MMP12: variants seen among roughly 807,000 people sequenced by gnomAD.
MMP12 encodes the protein macrophage metalloelastase.
Under a neutral mutation model 45.2 loss-of-function variants are expected in MMP12, and 51 were observed. That is an observed-to-expected ratio of 1.13 (90% CI 0.90 to 1.42). MMP12 has a LOEUF of 1.42. Among genes scored for constraint, MMP12 ranks in the 40% most tolerant of loss-of-function variants. The probability of loss-of-function intolerance (pLI) is 0.00; values close to 1 mark genes in which losing one functional copy is unlikely to be tolerated. For missense variants in MMP12, 530 were observed against 570.8 expected (o/e 0.93, Z 0.73); for synonymous variants, 210 against 193.3 (o/e 1.09, Z -0.72).
chr11:102,868,251 G>A (rs782551906), intron 4 of MMP12, among the ~76,000 whole-genome samples, 182 bp from the exon 5 acceptor site: 9 of 152,128 alleles, frequency 5.9e-5, no homozygotes, highest in Non-Finnish European at 1.3e-4. Context: ...GGGCTGTTCT[G>A]TGCATTATAG....
At chr11:102,866,799 T>C (rs1456130868) in intron 6 of MMP12, among the ~76,000 whole-genome samples, 5 of 152,144 alleles carry the variant, frequency 3.3e-5, no homozygotes, top group Non-Finnish European at 7.4e-5. Flanking sequence ...GGGAAATATT[T>C]GTCCTACTTG....
At chr11:102,873,172 C>T (rs566111725) in intron 1 of MMP12, 60 bp from the exon 2 acceptor site, 1 of 1,489,950 alleles carries the variant, frequency 6.7e-7, no homozygotes, top group Non-Finnish European at 9.2e-7. Context: ...CTGTTGGGAG[C>T]TCCACATATA....
chr11:102,872,048 A>T (rs767549550), intron 2 of MMP12, 96 bp from the exon 3 acceptor site: 2 of 1,288,108 alleles, frequency 1.6e-6, no homozygotes, highest in Non-Finnish European at 2.1e-6. Flanking sequence ...TGGAAAATGG[A>T]TCATTTCATA....
intron 4 of MMP12, among the ~76,000 whole-genome samples, chr11:102,870,955 C>CT (rs1859482536): frequency 1.3e-5 from 2 of 152,132 alleles, no homozygotes; most frequent in Admixed American, 1.3e-4. Context: ...TGCTTTTGAG[C>CT]TTATGGATTT....
Position 102,867,908 on chromosome 11 carries a change from C to G in MMP12, c.787G>C (p.Gly263Arg). The G allele has an allele frequency of 6.2e-7, 1 of 1,607,578 alleles. No individual in the cohort carries two copies. Among genetic ancestry groups the G allele is most frequent in the Non-Finnish European group, 8.5e-7 (1 of 1,177,074 alleles). ...CAAAATGATAAAGAATTCAACTCAC[C>G]ATACAGGGACTGAATGCCACGTATG... The part of the protein sequence containing the change: ...DDIRGIQSLY[G>R]DPKENQRLPN... Residue 263 changes from glycine (G) to arginine (R), a missense_variant and splice_region_variant, in exon 5 of 10, where the codon GGA becomes CGA. Physicochemically the swap from Gly to Arg is moderately radical, Grantham distance 125. Coordinates refer to ENST00000571244, the MANE Select transcript of MMP12 (RefSeq NM_002426.6).
rs1490346694 is a variant in MMP12, at chr11:102,873,092, A to G, written c.123T>C (p.Tyr41=). The G allele has an allele frequency of 1.2e-6, 2 of 1,611,972 alleles. No homozygotes were observed. The highest frequency in any genetic ancestry group is 1.7e-6 in the Non-Finnish European group (2 of 1,179,144). ...LFGERYLEKF[Y]GLEINKLPVT... is the part of the protein sequence containing the mutation. The stretch of plus-strand genomic sequence containing the variant: ...CTGGAAGTTTGTTTATCTCAAGGCC[A>G]TAAAATTTTTCTAAGTATCTCTGGA... The change falls in exon 2 of 10, where the codon TAT becomes TAC. Residue 41 remains tyrosine, a synonymous_variant. Coordinates refer to ENST00000571244, the MANE Select transcript of MMP12 (RefSeq NM_002426.6).
Position 102,865,439 on chromosome 11 carries a change from C to T in MMP12, c.1205+337G>A, listed in dbSNP as rs1490721145. On this transcript the variant is annotated intron_variant, in intron 8 of 9. Coordinates refer to ENST00000571244, the MANE Select transcript of MMP12 (RefSeq NM_002426.6). This position sits in a 1 kb window ranked among gnomAD's most constrained non-coding sequence, Gnocchi z 4.1. ...TGATTACAGAAAGGAATCTGGAAAT[C>T]CATAACCCTCGAAACTGACTGTAGA... Among the ~76,000 whole-genome samples, 1 of 152,184 alleles carries T rather than the reference C, an allele frequency of 6.6e-6. No homozygotes were observed. The highest frequency in any genetic ancestry group is 1.5e-5 in the Non-Finnish European group (1 of 68,036).
rs200483423 is a variant in MMP12, at chr11:102,865,801, A to G, written c.1180T>C (p.Phe394Leu). 37 of 1,611,950 alleles carry G rather than the reference A, an allele frequency of 2.3e-5. No individual in the cohort carries two copies. The highest frequency in any genetic ancestry group is 3.1e-5 in the Non-Finnish European group (37 of 1,178,856). ...VFNPRFYRTY[F>L]FVDNQYWRYD... ...CTCCAATACTGGTTATCTACAAAGA[A>G]GTAGGTCCTATAAAAACGTGGGTTA... The change falls in exon 8 of 10, where the codon TTC becomes CTC. Residue 394 changes from phenylalanine to leucine, a missense_variant. Transcript: ENST00000571244. This position sits in a 1 kb window ranked among gnomAD's most constrained non-coding sequence, Gnocchi z 4.1.
At position 102,866,361 on chromosome 11, in the gene MMP12, T is replaced by C; in HGVS notation, c.999A>G (p.Glu333=). 6.2e-7 allele frequency: 1 copy of C among 1,601,062 alleles called. No homozygotes were observed. Among genetic ancestry groups the C allele is most frequent in the Admixed American group, 1.7e-5 (1 of 57,984 alleles). ...SLWPTLPSGI[E]AAYEIEARNQ... ...TTCTGGCTTCAATTTCATAAGCAGC[T>C]TCAATGCCAGATGGCAAGGTTGGCC... Residue 333 remains glutamate, a synonymous_variant, in exon 7 of 10, where the codon GAA becomes GAG. Transcript: ENST00000571244.
At position 102,871,921 on chromosome 11, in the gene MMP12, C is replaced by T. The variant is rs782140300; in HGVS notation, c.382G>A (p.Glu128Lys). The T allele has an allele frequency of 6.2e-7, 1 of 1,613,228 alleles. No individual in the cohort carries two copies. The highest frequency in any genetic ancestry group is 8.5e-7 in the Non-Finnish European group (1 of 1,179,594). ...TTCCGGATTGCGTAGTCAACATCCT[C>T]ACGGTTCATGTCAGGTGTGTAATTA... is the stretch of plus-strand genomic sequence containing the variant. ...INNYTPDMNR[E>K]DVDYAIRKAF... is the part of the protein sequence containing the mutation. The change falls in exon 3 of 10, where the codon GAG (glutamate) becomes AAG (lysine). Residue 128 changes from glutamate to lysine, a missense_variant. By Grantham distance (56) the Glu-to-Lys change is moderately conservative. Transcript: ENST00000571244.
At position 102,867,369 on chromosome 11, in the gene MMP12, A is replaced by C; in HGVS notation, c.812T>G (p.Leu271Trp). ...LYGDPKENQR[L>W]PNPDNSEPAL... ...TGGTTCTGAATTGTCAGGATTTGGC[A>C]AGCGTTGGTTCTCTTTTGGGTCTCC... Residue 271 changes from leucine to tryptophan, a missense_variant, in exon 6 of 10, where the codon TTG (leucine) becomes TGG (tryptophan). By Grantham distance (61) the Leu-to-Trp change is moderately conservative (BLOSUM62 -2). Coordinates refer to ENST00000571244, the MANE Select transcript of MMP12 (RefSeq NM_002426.6). 1 of 1,610,878 alleles carries C rather than the reference A, an allele frequency of 6.2e-7. No homozygotes were observed.
At position 102,862,852 on chromosome 11, in the gene MMP12, A is replaced by G; in HGVS notation, c.*248T>C. On this transcript the variant is annotated 3_prime_UTR_variant, in exon 10 of 10. Transcript: ENST00000571244. Reference sequence around the variant, plus strand: ...GAAGCAACTTACAGAGCATGCTTCAAATAGAATTCTCTTGGCCTTTGAAGG... The same window carrying G: ...GAAGCAACTTACAGAGCATGCTTCAGATAGAATTCTCTTGGCCTTTGAAGG... 1 of 280,258 alleles carries G rather than the reference A, an allele frequency of 3.6e-6. No individual in the cohort carries two copies. Among genetic ancestry groups the G allele is most frequent in the Non-Finnish European group, 6.5e-6 (1 of 153,104 alleles). The allele number at this position is 280,258 out of a possible 1,614,324, so 17.4% of individuals were successfully genotyped here.
chr11:102,863,017 TG>T lies in MMP12; in HGVS notation c.*82del. 1.3e-6 allele frequency: 1 copy of T among 765,200 alleles called. No homozygotes were observed. The highest frequency in any genetic ancestry group is 2.2e-6 in the Non-Finnish European group (1 of 460,542). The allele number at this position is 765,200 out of a possible 1,614,324, so 47.4% of individuals were successfully genotyped here. ...TTTTATGATACATATCTCTAAGTAG[TG>T]GTACACTGAGGACATAGCAAATATG... On this transcript the variant is annotated 3_prime_UTR_variant, in exon 10 of 10. Coordinates refer to ENST00000571244, the MANE Select transcript of MMP12 (RefSeq NM_002426.6).
At chr11:102,869,708 C>T (rs1197515226) in intron 4 of MMP12, among the ~76,000 whole-genome samples, 7 of 150,344 alleles carry the variant, frequency 4.7e-5, no homozygotes, top group South Asian at 2.1e-4. Context: ...GTCAGGAGTT[C>T]GAGAGCAGCC....
intron 2 of MMP12, among the ~76,000 whole-genome samples, chr11:102,872,170 C>T (rs1405901443): frequency 6.6e-6 from 1 of 152,166 alleles, no homozygotes; most frequent in Non-Finnish European, 1.5e-5. Flanking sequence ...TTAAAACTCA[C>T]AGATCATCAC....
At chr11:102,871,057 C>G (rs1859484393) in intron 4 of MMP12, among the ~76,000 whole-genome samples, 1 of 152,024 alleles carries the variant, frequency 6.6e-6, no homozygotes, top group African/African-American at 2.4e-5. Flanking sequence ...ATAGCAAGAT[C>G]CTGTCCCTAT....
chr11:102,868,100 G>C (rs1859429590), intron 4 of MMP12, 31 bp from the exon 5 acceptor site: 3 of 1,535,312 alleles, frequency 2.0e-6, no homozygotes, highest in Non-Finnish European at 1.8e-6. Flanking sequence ...AGACAGCTGT[G>C]AAATGCATTA....
Position 102,863,025 on chromosome 11 carries a change from T to A in MMP12, c.*75A>T, listed in dbSNP as rs1357837329. 2.2e-6 allele frequency: 2 copies of A among 894,110 alleles called. No homozygotes were observed. Among genetic ancestry groups the A allele is most frequent in the South Asian group, 1.6e-5 (1 of 62,810 alleles). 55.4% of individuals were successfully genotyped at this position (894,110 alleles called of 1,614,324 possible). ...TACATATCTCTAAGTAGTGGTACAC[T>A]GAGGACATAGCAAATATGCAATAAA... On this transcript the variant is annotated 3_prime_UTR_variant, in exon 10 of 10. Coordinates refer to ENST00000571244, the MANE Select transcript of MMP12 (RefSeq NM_002426.6).
At chr11:102,872,541 C>T (rs1014512370) in intron 2 of MMP12, among the ~76,000 whole-genome samples, 2 of 152,146 alleles carry the variant, frequency 1.3e-5, no homozygotes, top group Non-Finnish European at 2.9e-5. Context: ...CGAGGTTTCA[C>T]CATGTTGGCC....
Sources: allele counts gnomAD v4.1 joint callset (sites outside exome capture counted in the v4.1 genomes callset), GRCh38; gene constraint gnomAD v4.1.1; non-coding constraint Gnocchi (gnomAD v3.1); transcripts MANE v1.5; gene names NCBI Gene and HGNC (gene_info 2026-07-23, HGNC 2026-07-21).